POFUT3: variants seen among roughly 807,000 people sequenced by gnomAD.
POFUT3 encodes the protein GDP-fucose protein O-fucosyltransferase 3.
the POFUT3 span, among the ~76,000 whole-genome samples, chr8:33,469,764 T>A: frequency 6.6e-6 from 1 of 151,054 alleles, no homozygotes; most frequent in African/African-American, 2.4e-5. Context: ...GACAGACTGA[T>A]ACAATGCCTC....
At chr8:33,359,263 CA>C in the POFUT3 span, among the ~76,000 whole-genome samples, 2 of 152,036 alleles carry the variant, frequency 1.3e-5, no homozygotes, top group Non-Finnish European at 2.9e-5. Flanking sequence ...TAAACTTCTT[CA>C]AAAAAAGATG....
chr8:33,326,713 G>A, the POFUT3 span, among the ~76,000 whole-genome samples: 1 of 152,130 alleles, frequency 6.6e-6, no homozygotes, highest in African/African-American at 2.4e-5. Flanking sequence ...AGAGATGGGA[G>A]GTCATAGCTT....
At chr8:33,363,126 C>T in the POFUT3 span, among the ~76,000 whole-genome samples, 11 of 152,096 alleles carry the variant, frequency 7.2e-5, no homozygotes, top group African/African-American at 2.4e-4. Flanking sequence ...CACTCAAAAC[C>T]GCACAACTAC....
At chr8:33,340,336 T>C in the POFUT3 span, among the ~76,000 whole-genome samples, 13 of 151,968 alleles carry the variant, frequency 8.6e-5, no homozygotes, top group Admixed American at 6.6e-5. Context: ...TGTACCACTG[T>C]GGTGTTGATA....
chr8:33,323,230 T>G, the POFUT3 span, among the ~76,000 whole-genome samples: 1 of 152,180 alleles, frequency 6.6e-6, no homozygotes, highest in Non-Finnish European at 1.5e-5. Flanking sequence ...CTGTGTGTCT[T>G]GATGATGCGG....
the POFUT3 span, among the ~76,000 whole-genome samples, chr8:33,465,270 A>G: frequency 6.6e-6 from 1 of 152,142 alleles, no homozygotes; most frequent in Admixed American, 6.6e-5. Flanking sequence ...AAATGTTTAG[A>G]TATATCACTC....
At chr8:33,315,901 A>C in the POFUT3 span, among the ~76,000 whole-genome samples, 1 of 152,176 alleles carries the variant, frequency 6.6e-6, no homozygotes, top group Non-Finnish European at 1.5e-5. Context: ...CTTTAAAATA[A>C]TGTATGTTTC....
chr8:33,383,217 C>A, the POFUT3 span, among the ~76,000 whole-genome samples: 2 of 152,116 alleles, frequency 1.3e-5, no homozygotes, highest in Non-Finnish European at 2.9e-5. Context: ...TCCCTCCAAC[C>A]CTCTAGGACT....
chr8:33,362,401 T>A, the POFUT3 span, among the ~76,000 whole-genome samples: 1 of 152,100 alleles, frequency 6.6e-6, no homozygotes, highest in East Asian at 1.9e-4. Flanking sequence ...AATGACAAGA[T>A]CAAATTTAAA....
the POFUT3 span, among the ~76,000 whole-genome samples, chr8:33,331,868 G>A: frequency 2.6e-5 from 4 of 151,860 alleles, no homozygotes; most frequent in South Asian, 8.3e-4. Context: ...TAGTAGAGAC[G>A]GGGTTTCACC....
At chr8:33,310,690 C>CAAAA in the POFUT3 span, among the ~76,000 whole-genome samples, 2 of 128,104 alleles carry the variant, frequency 1.6e-5, no homozygotes, top group African/African-American at 5.8e-5. Flanking sequence ...GACTCCATCT[C>CAAAA]AAAAAAAAAA....
At chr8:33,309,584 C>T in the POFUT3 span, among the ~76,000 whole-genome samples, 1 of 152,042 alleles carries the variant, frequency 6.6e-6, no homozygotes, top group Non-Finnish European at 1.5e-5. Context: ...ATTTCTGGAC[C>T]CTCATCCATG....
At chr8:33,384,236 T>C in the POFUT3 span, among the ~76,000 whole-genome samples, 1 of 152,138 alleles carries the variant, frequency 6.6e-6, no homozygotes, top group Non-Finnish European at 1.5e-5. Context: ...TGATGGAGGC[T>C]ATGCATGAAC....
At chr8:33,440,782 T>C in the POFUT3 span, among the ~76,000 whole-genome samples, 8 of 152,208 alleles carry the variant, frequency 5.3e-5, no homozygotes, top group African/African-American at 1.9e-4. Flanking sequence ...GTACATGTAG[T>C]TGACTTCCTT....
the POFUT3 span, chr8:33,461,377 G>A: frequency 6.2e-7 from 1 of 1,609,256 alleles, no homozygotes; most frequent in Non-Finnish European, 8.5e-7. Flanking sequence ...GGTACCTGGA[G>A]TGTGACAAGC....
chr8:33,372,093 C>T, the POFUT3 span: 3 of 932,724 alleles, frequency 3.2e-6, no homozygotes, highest in Non-Finnish European at 3.8e-6. Flanking sequence ...CTTGAAACAG[C>T]TTTTATTACT....
chr8:33,451,374 A>G, the POFUT3 span, among the ~76,000 whole-genome samples: 2 of 152,166 alleles, frequency 1.3e-5, no homozygotes, highest in Admixed American at 6.6e-5. Flanking sequence ...CAGTATGTGT[A>G]TGTATGTAAG....
the POFUT3 span, among the ~76,000 whole-genome samples, chr8:33,436,909 C>G: frequency 0.51 from 77,428 of 152,000 alleles, 20,106 homozygotes; most frequent in Non-Finnish European, 0.55. Context: ...CTTTTCCCCC[C>G]TCCCTCCTTC....
chr8:33,372,590 A>G, the POFUT3 span: 2 of 1,613,660 alleles, frequency 1.2e-6, no homozygotes, highest in East Asian at 4.5e-5. Flanking sequence ...GTCCTTGAAT[A>G]CTAGGCCCCA....
Sources: allele counts gnomAD v4.1 joint callset (sites outside exome capture counted in the v4.1 genomes callset), GRCh38; gene constraint gnomAD v4.1.1; transcripts MANE v1.5; gene names NCBI Gene and HGNC (gene_info 2026-07-23, HGNC 2026-07-21).